The following KREMEN2 variants were observed in gnomAD, a reference collection of about 807,000 sequenced individuals.
The protein encoded by KREMEN2 is kremen protein 2.
In KREMEN2, 43 loss-of-function variants were observed where a neutral mutation model predicts 49.8. The ratio of observed to expected loss-of-function variants is 0.86; its 90% CI spans 0.68 to 1.11. KREMEN2 has a LOEUF of 1.11. Ranked by LOEUF, KREMEN2 falls within the 50% of genes most tolerant of loss-of-function variation. KREMEN2 has a pLI of 0.00. For missense variants in KREMEN2, 686 were observed against 665.7 expected (o/e 1.03, Z -0.34); for synonymous variants, 355 against 304.9 (o/e 1.16, Z -1.71).
chr16:2,965,091 C>T (rs954182527), intron 2 of KREMEN2, 58 bp downstream of exon 2: 2 of 1,314,630 alleles, frequency 1.5e-6, no homozygotes, highest in Admixed American at 6.5e-5. Context: ...AGGGATGGCC[C>T]GAAGCGGGGC....
rs1294365089 is a variant in KREMEN2, at chr16:2,964,929, G to A, written c.165G>A (p.Gly55=). The part of the protein sequence containing the change: ...RGHQNRTGPR[G]AGRPCLFWDQ... Reference sequence around the variant, plus strand: ...ACCAGAACCGCACTGGCCCGCGCGGGGCGGGCCGCCCGTGCCTCTTCTGGG... The same window carrying A: ...ACCAGAACCGCACTGGCCCGCGCGGAGCGGGCCGCCCGTGCCTCTTCTGGG... Residue 55 remains glycine, a synonymous_variant, in exon 2 of 9, where the codon GGG becomes GGA. Coordinates refer to ENST00000303746, the MANE Select transcript of KREMEN2 (RefSeq NM_172229.3). 5.6e-6 allele frequency: 9 copies of A among 1,602,658 alleles called. No homozygotes were observed. The highest frequency in any genetic ancestry group is 3.3e-5 in the South Asian group (3 of 90,164).
In KREMEN2 at chr16:2,964,416, T is replaced by C; in HGVS notation, c.-105T>C. 1.3e-6 allele frequency: 1 copy of C among 752,526 alleles called. No homozygotes were observed. The highest frequency in any genetic ancestry group is 1.8e-5 in the South Asian group (1 of 54,640). 46.6% of individuals were successfully genotyped at this position (752,526 alleles called of 1,614,324 possible). Reference sequence around the variant, plus strand: ...GGCTCAGAGTCGGACGAGGGGAGACTGTCAGAGGACAACGCCCCCTAGGTC... The same window carrying C: ...GGCTCAGAGTCGGACGAGGGGAGACCGTCAGAGGACAACGCCCCCTAGGTC... On this transcript the variant is annotated 5_prime_UTR_variant, in exon 1 of 9. Coordinates refer to ENST00000303746, the MANE Select transcript of KREMEN2 (RefSeq NM_172229.3).
In KREMEN2 at chr16:2,968,266, G is replaced by A. The variant is rs2071882027; in HGVS notation, c.*246G>A. 8.6e-7 allele frequency: 1 copy of A among 1,169,336 alleles called. No homozygotes were observed. The allele number at this position is 1,169,336 out of a possible 1,614,324, so 72.4% of individuals were successfully genotyped here. A position where few individuals can be genotyped will look rare whatever the true frequency, so the allele number is the denominator to read the frequency against. On this transcript the variant is annotated 3_prime_UTR_variant, in exon 9 of 9. Coordinates refer to ENST00000303746, the MANE Select transcript of KREMEN2 (RefSeq NM_172229.3). The stretch of plus-strand genomic sequence containing the variant: ...GTGGGGGTGGTCTCTGGTTTCGGAG[G>A]TCTTTGAACCCCTCTGGGGGTGGTC...
Position 2,967,552 on chromosome 16 carries a change from G to C in KREMEN2, c.1126G>C (p.Val376Leu). 2 of 1,532,636 alleles carry C rather than the reference G, an allele frequency of 1.3e-6. No homozygotes were observed. Among genetic ancestry groups the C allele is most frequent in the Non-Finnish European group, 8.7e-7 (1 of 1,145,486 alleles). 94.9% of individuals were successfully genotyped at this position (1,532,636 alleles called of 1,614,324 possible). The change falls in exon 8 of 9, where the codon GTC becomes CTC. Residue 376 changes from valine (V) to leucine (L), a missense_variant. Val to Leu is a conservative substitution (Grantham distance 32, BLOSUM62 1). Coordinates refer to ENST00000303746, the MANE Select transcript of KREMEN2 (RefSeq NM_172229.3). ...GARVFSTVTA[V>L]SVLLLLLLGL... ...CCGGGTCTTCTCGACGGTGACGGCTGTCTCGGTGCTGCTGCTGCTGCTCCT... is the reference window on the plus strand; with the variant it reads ...CCGGGTCTTCTCGACGGTGACGGCTCTCTCGGTGCTGCTGCTGCTGCTCCT...
rs111311295 is a variant in KREMEN2, at chr16:2,966,715, C to G, written c.560C>G (p.Pro187Arg). 243 of 1,611,768 alleles carry G rather than the reference C, an allele frequency of 1.5e-4. No homozygotes were observed. In the African/African-American group the frequency reaches 2.8e-3, roughly 18 times the overall value. ...GACCTGGCCCGGGGACGCCTGGCCC[C>G]CGCCACCGACTGTGACCAGATCTGT... is the stretch of plus-strand genomic sequence containing the variant. ...ESDLARGRLA[P>R]ATDCDQICFG... is the part of the protein sequence containing the mutation. The change falls in exon 5 of 9, where the codon CCC (proline) becomes CGC (arginine). Residue 187 changes from proline to arginine, a missense_variant. Coordinates refer to ENST00000303746, the MANE Select transcript of KREMEN2 (RefSeq NM_172229.3). The surrounding 1 kb of genome is among the most constrained non-coding windows in gnomAD (Gnocchi z 8.4).
rs1272445146 is a variant in KREMEN2, at chr16:2,966,514, A to G, written c.486+65A>G. The G allele has an allele frequency of 5.6e-6, 9 of 1,598,206 alleles. No individual in the cohort carries two copies. The highest frequency in any genetic ancestry group is 1.3e-5 in the African/African-American group (1 of 74,670). On this transcript the variant is annotated intron_variant, in intron 4 of 8. Coordinates refer to ENST00000303746, the MANE Select transcript of KREMEN2 (RefSeq NM_172229.3). The surrounding 1 kb of genome is among the most constrained non-coding windows in gnomAD (Gnocchi z 8.4). ...ACCTAAAGACCACACTCAACTCCCAACACTCGGTTGCCAAACCCAGACACC... is the reference window on the plus strand; with the variant it reads ...ACCTAAAGACCACACTCAACTCCCAGCACTCGGTTGCCAAACCCAGACACC...
In KREMEN2 at chr16:2,967,987, G is replaced by T. The variant is rs921212346; in HGVS notation, c.1356G>T (p.Gln452His). ...AGYRPLSASS[Q>H]SSLRSLISAL ...ACCGGCCTCTGAGTGCCTCCAGCCA[G>T]AGCTCCCTGCGCTCGCTCATCTCCG... The change falls in exon 9 of 9, where the codon CAG becomes CAT. Residue 452 changes from glutamine (Q) to histidine (H), a missense_variant. Gln to His is a conservative substitution (Grantham distance 24, BLOSUM62 0). Coordinates refer to ENST00000303746, the MANE Select transcript of KREMEN2 (RefSeq NM_172229.3). The T allele has an allele frequency of 1.3e-6, 2 of 1,580,732 alleles. No homozygotes were observed. The highest frequency in any genetic ancestry group is 1.7e-6 in the Non-Finnish European group (2 of 1,168,982).
Position 2,967,616 on chromosome 16 carries a change from T to C in KREMEN2, c.1178+12T>C. On this transcript the variant is annotated intron_variant, in intron 8 of 8. Transcript: ENST00000303746. The stretch of plus-strand genomic sequence containing the variant: ...CCGCTGCGCCGACGGTGCGGGGCGC[T>C]GGGGCAGGGCCTGAGGGCGGACCGG... 5 of 1,529,464 alleles carry C rather than the reference T, an allele frequency of 3.3e-6. No homozygotes were observed. The highest frequency in any genetic ancestry group is 4.4e-6 in the Non-Finnish European group (5 of 1,143,182). The allele number at this position is 1,529,464 out of a possible 1,614,324, so 94.7% of individuals were successfully genotyped here. A position where few individuals can be genotyped will look rare whatever the true frequency, so the allele number is the denominator to read the frequency against.
rs2071790721 is a variant in KREMEN2, at chr16:2,965,029, T to C, written c.265T>C (p.Cys89Arg). The change falls in exon 2 of 9, where the codon TGC (cysteine) becomes CGC (arginine). Residue 89 changes from cysteine (C) to arginine (R), a missense_variant. Cys to Arg is a radical substitution (Grantham distance 180). Coordinates refer to ENST00000303746, the MANE Select transcript of KREMEN2 (RefSeq NM_172229.3). ...GRWGLGAHNF[C>R]RNPDGDVQPW... Reference sequence around the variant, plus strand: ...CTGGGGGCTGGGCGCGCACAACTTCTGCCGGTGAGGGGCGGGGCCTGCGCT... The same window carrying C: ...CTGGGGGCTGGGCGCGCACAACTTCCGCCGGTGAGGGGCGGGGCCTGCGCT... The C allele has an allele frequency of 6.5e-7, 1 of 1,539,428 alleles. No individual in the cohort carries two copies. The highest frequency in any genetic ancestry group is 8.7e-7 in the Non-Finnish European group (1 of 1,145,550).
In KREMEN2 at chr16:2,964,495, G is replaced by C; in HGVS notation, c.-26G>C. ...GGCAGCCCGGGCCGTGTCCGGGCGA[G>C]GGTGACCTATCCTTGGTTGAGAGCG... On this transcript the variant is annotated 5_prime_UTR_variant, in exon 1 of 9. Transcript: ENST00000303746. The C allele has an allele frequency of 6.6e-7, 1 of 1,520,204 alleles. No individual in the cohort carries two copies. Among genetic ancestry groups the C allele is most frequent in the Middle Eastern group, 1.8e-4 (1 of 5,690 alleles). 94.2% of individuals were successfully genotyped at this position (1,520,204 alleles called of 1,614,324 possible). A position where few individuals can be genotyped will look rare whatever the true frequency, so the allele number is the denominator to read the frequency against.
rs2071812413 is a variant in KREMEN2 at position 2,966,131 on chromosome 16, C to T, written c.270-9C>T. The T allele has an allele frequency of 1.2e-6, 2 of 1,611,120 alleles. No homozygotes were observed. Among genetic ancestry groups the T allele is most frequent in the African/African-American group, 2.7e-5 (2 of 74,964 alleles). On this transcript the variant is annotated splice_polypyrimidine_tract_variant and intron_variant, in intron 2 of 8. Coordinates refer to ENST00000303746, the MANE Select transcript of KREMEN2 (RefSeq NM_172229.3). This position sits in a 1 kb window ranked among gnomAD's most constrained non-coding sequence, Gnocchi z 8.4. ...GGTGGGAGCCCCACCACCTCCCTCC[C>T]ACCCGCAGTAACCCAGACGGTGACG...
chr16:2,966,482 G>T lies in KREMEN2; in HGVS notation c.486+33G>T. ...TCACGGGCCCAGACCAGTGACCCCT[G>T]ACCTGGACCTAAAGACCACACTCAA... On this transcript the variant is annotated intron_variant, in intron 4 of 8. Coordinates refer to ENST00000303746, the MANE Select transcript of KREMEN2 (RefSeq NM_172229.3). This position sits in a 1 kb window ranked among gnomAD's most constrained non-coding sequence, Gnocchi z 8.4. 6.2e-7 allele frequency: 1 copy of T among 1,605,552 alleles called. No homozygotes were observed. Among genetic ancestry groups the T allele is most frequent in the South Asian group, 1.1e-5 (1 of 90,890 alleles).
In KREMEN2 at chr16:2,966,636, TC is replaced by T; in HGVS notation, c.487-3del. Reference sequence around the variant, plus strand: ...TGCCCTGGGGTCACCCAGTCTGTGCTCCCAGCTGGCGGGCGTGGAGGCCGGT... The same window carrying T: ...TGCCCTGGGGTCACCCAGTCTGTGCTCCAGCTGGCGGGCGTGGAGGCCGGT... On this transcript the variant is annotated splice_polypyrimidine_tract_variant and splice_region_variant and intron_variant, in intron 4 of 8. Transcript: ENST00000303746. This position sits in a 1 kb window ranked among gnomAD's most constrained non-coding sequence, Gnocchi z 8.4. The T allele has an allele frequency of 1.2e-6, 2 of 1,608,346 alleles. No individual in the cohort carries two copies.
rs920960014 is a variant in KREMEN2 at position 2,968,270 on chromosome 16, T to C, written c.*250T>C. The C allele has an allele frequency of 7.3e-6, 9 of 1,236,470 alleles. No individual in the cohort carries two copies. Among genetic ancestry groups the C allele is most frequent in the Non-Finnish European group, 1.0e-5 (9 of 881,832 alleles). The allele number at this position is 1,236,470 out of a possible 1,614,324, so 76.6% of individuals were successfully genotyped here. Reference sequence around the variant, plus strand: ...GGGTGGTCTCTGGTTTCGGAGGTCTTTGAACCCCTCTGGGGGTGGTCCTGG... The same window carrying C: ...GGGTGGTCTCTGGTTTCGGAGGTCTCTGAACCCCTCTGGGGGTGGTCCTGG... On this transcript the variant is annotated 3_prime_UTR_variant, in exon 9 of 9. Transcript: ENST00000303746.
Position 2,967,819 on chromosome 16 carries a change from G to A in KREMEN2, c.1188G>A (p.Leu396=). ...LLRPLRRRSC[L]LAPGKGPPAL... ...TCTGCTCCCTCTCTAGGAGCTGTCT[G>A]CTGGCTCCGGGAAAAGGGCCCCCGG... The change falls in exon 9 of 9, where the codon CTG becomes CTA. Residue 396 remains leucine, a synonymous_variant. Coordinates refer to ENST00000303746, the MANE Select transcript of KREMEN2 (RefSeq NM_172229.3). 6.5e-7 allele frequency: 1 copy of A among 1,550,232 alleles called. No individual in the cohort carries two copies.
rs990681795 is a variant in KREMEN2, at chr16:2,967,152, G to C, written c.883G>C (p.Gly295Arg). 244 of 1,386,818 alleles carry C rather than the reference G, an allele frequency of 1.8e-4. No individual in the cohort carries two copies. Among genetic ancestry groups the C allele is most frequent in the Middle Eastern group, 7.8e-4 (3 of 3,848 alleles). The allele number at this position is 1,386,818 out of a possible 1,614,324, so 85.9% of individuals were successfully genotyped here. The change falls in exon 6 of 9, where the codon GGG becomes CGG. Residue 295 changes from glycine to arginine, a missense_variant. By Grantham distance (125) the Gly-to-Arg change is moderately radical. Coordinates refer to ENST00000303746, the MANE Select transcript of KREMEN2 (RefSeq NM_172229.3). ...CGATGGCGCCCGCCCACCGCCGTCC[G>C]GGCCGCTGCGCCTGGGCACTGCCGC... ...AFDGARPPPS[G>R]PLRLGTAALL...
Position 2,968,281 on chromosome 16 carries a change from TG to T in KREMEN2, c.*266del, listed in dbSNP as rs1289513561. 1.0e-5 allele frequency: 14 copies of T among 1,334,288 alleles called. No individual in the cohort carries two copies. Among genetic ancestry groups the T allele is most frequent in the Admixed American group, 2.0e-5 (1 of 50,094 alleles). The allele number at this position is 1,334,288 out of a possible 1,614,324, so 82.7% of individuals were successfully genotyped here. A position where few individuals can be genotyped will look rare whatever the true frequency, so the allele number is the denominator to read the frequency against. On this transcript the variant is annotated 3_prime_UTR_variant, in exon 9 of 9. Transcript: ENST00000303746. The stretch of plus-strand genomic sequence containing the variant: ...GGTTTCGGAGGTCTTTGAACCCCTC[TG>T]GGGGTGGTCCTGGACTGCCGTCCTC...
rs750900015 is a variant in KREMEN2, at chr16:2,964,505, T to C, written c.-16T>C. The C allele has an allele frequency of 6.5e-7, 1 of 1,549,660 alleles. No homozygotes were observed. On this transcript the variant is annotated 5_prime_UTR_variant, in exon 1 of 9. Transcript: ENST00000303746. ...GCCGTGTCCGGGCGAGGGTGACCTA[T>C]CCTTGGTTGAGAGCGATGGGGACAC...
chr16:2,966,981 G>A lies in KREMEN2; in HGVS notation c.712G>A (p.Glu238Lys). 6.4e-7 allele frequency: 1 copy of A among 1,555,478 alleles called. No individual in the cohort carries two copies. Among genetic ancestry groups the A allele is most frequent in the Non-Finnish European group, 8.7e-7 (1 of 1,149,468 alleles). The change falls in exon 6 of 9, where the codon GAG becomes AAG. Residue 238 changes from glutamate (E) to lysine (K), a missense_variant. Physicochemically the swap from Glu to Lys is moderately conservative, Grantham distance 56. Coordinates refer to ENST00000303746, the MANE Select transcript of KREMEN2 (RefSeq NM_172229.3). The surrounding 1 kb of genome is among the most constrained non-coding windows in gnomAD (Gnocchi z 8.4). ...CATCTACTCCCCGGACTTCCCGGACGAGTACGGGCCGGACCGGAACTGCAG... is the reference window on the plus strand; with the variant it reads ...CATCTACTCCCCGGACTTCCCGGACAAGTACGGGCCGGACCGGAACTGCAG... ...GVIYSPDFPD[E>K]YGPDRNCSWA... is the part of the protein sequence containing the mutation.
Sources: allele counts gnomAD v4.1 joint callset, GRCh38; gene constraint gnomAD v4.1.1; non-coding constraint Gnocchi (gnomAD v3.1); transcripts MANE v1.5; gene names NCBI Gene and HGNC (gene_info 2026-07-23, HGNC 2026-07-21).